The following RBFOX1 variants were observed in gnomAD, a reference collection of about 807,000 sequenced individuals.
The protein encoded by RBFOX1 is RNA binding fox-1 homolog 1.
In RBFOX1, 8 loss-of-function variants were observed where a neutral mutation model predicts 57.7. The ratio of observed to expected loss-of-function variants is 0.14; its 90% confidence interval spans 0.08 to 0.25. The LOEUF (loss-of-function observed/expected upper bound fraction) is 0.25. Among genes scored for constraint, RBFOX1 ranks in the 10% least tolerant of loss-of-function variants. The pLI is 1.00. For synonymous variants in RBFOX1, 326 were observed against 222.4 expected (o/e 1.47, Z -4.15); for missense variants, 611 against 548.5 (o/e 1.11, Z -1.14).
chr16:6,792,826 C>T (rs181031093), intron 3 of RBFOX1, among the ~76,000 whole-genome samples: 1 of 152,058 alleles, frequency 6.6e-6, no homozygotes, highest in Non-Finnish European at 1.5e-5. Flanking sequence ...GTCAGGAGTT[C>T]AAGACCAGCC....
chr16:6,396,252 A>T (rs2152943487), intron 2 of RBFOX1, among the ~76,000 whole-genome samples: 1 of 152,154 alleles, frequency 6.6e-6, no homozygotes, highest in Non-Finnish European at 1.5e-5. Context: ...AGGGGCTTTG[A>T]CCCTGGAAAG....
chr16:5,311,566 C>A (rs2064089941), intron 1 of RBFOX1, among the ~76,000 whole-genome samples: 1 of 152,196 alleles, frequency 6.6e-6, no homozygotes, highest in Admixed American at 6.5e-5. Flanking sequence ...ACATCTCTTT[C>A]TTCTGACTTT....
At chr16:7,498,836 C>A (rs904893133) in intron 4 of RBFOX1, among the ~76,000 whole-genome samples, 2 of 152,174 alleles carry the variant, frequency 1.3e-5, no homozygotes, top group Admixed American at 1.3e-4. Flanking sequence ...ATATCTGCTT[C>A]ACAGAGAGCA....
chr16:5,906,925 CAG>C (rs1326591456), intron 4 of RBFOX1, among the ~76,000 whole-genome samples: 3 of 151,768 alleles, frequency 2.0e-5, no homozygotes, highest in Non-Finnish European at 4.4e-5. Context: ...TTAGTAGAGA[CAG>C]GGTTTCAACA....
At chr16:6,405,942 C>T (rs1464195208) in intron 2 of RBFOX1, among the ~76,000 whole-genome samples, 1 of 152,164 alleles carries the variant, frequency 6.6e-6, no homozygotes, top group Non-Finnish European at 1.5e-5. Context: ...TCACATATGT[C>T]CAAGGATACA....
At chr16:7,632,806 T>G (rs535592642) in intron 11 of RBFOX1, among the ~76,000 whole-genome samples, 161 of 152,358 alleles carry the variant, frequency 1.1e-3, no homozygotes, top group African/African-American at 3.7e-3. Flanking sequence ...ATTAGCCATA[T>G]AGGGGCTAAT....
intron 2 of RBFOX1, among the ~76,000 whole-genome samples, chr16:5,488,086 A>T (rs1375098079): frequency 6.7e-6 from 1 of 150,288 alleles, no homozygotes; most frequent in Non-Finnish European, 1.5e-5. Context: ...ATGGAGGATT[A>T]TGGTGATGAT....
In RBFOX1 at chr16:6,256,243, A is replaced by ATGTG. The variant is rs1173894075; in HGVS notation, c.-126-60751_-126-60750insGTGT. Among the ~76,000 whole-genome samples the ATGTG allele has an allele frequency of 5.2e-5, 5 of 96,322 alleles. No homozygotes were observed. In the South Asian group the frequency reaches 1.7e-3, roughly 32 times the overall value. 63.2% of individuals were successfully genotyped at this position (96,322 alleles called of 152,430 possible). ...TATGTATATATATATGTGTATATAT[A>ATGTG]TATGTATATATATGTGTATATATAT... On this transcript the variant is annotated intron_variant, in intron 1 of 15. Transcript: ENST00000550418.
intron 4 of RBFOX1, among the ~76,000 whole-genome samples, chr16:7,359,629 C>T (rs1385974089): frequency 6.6e-6 from 1 of 152,152 alleles, no homozygotes; most frequent in Non-Finnish European, 1.5e-5. Context: ...TCCACAATGG[C>T]TTGCTGTCTA....
intron 4 of RBFOX1, among the ~76,000 whole-genome samples, chr16:7,482,052 A>G (rs1376632323): frequency 1.3e-5 from 2 of 152,246 alleles, no homozygotes; most frequent in African/African-American, 2.4e-5. Context: ...TGTATTGCCT[A>G]CAAATCAAGC....
intron 3 of RBFOX1, among the ~76,000 whole-genome samples, chr16:5,760,684 A>T (rs979086926): frequency 2.6e-5 from 4 of 152,236 alleles, no homozygotes; most frequent in Non-Finnish European, 5.9e-5. Flanking sequence ...TATATGAAAT[A>T]TTTATTAGGT....
intron 3 of RBFOX1, among the ~76,000 whole-genome samples, chr16:5,731,512 G>A (rs1336924097): frequency 2.0e-5 from 3 of 152,196 alleles, no homozygotes; most frequent in East Asian, 1.9e-4. Context: ...AGGAGGGGCC[G>A]TGATTTGAAC....
intron 4 of RBFOX1, among the ~76,000 whole-genome samples, chr16:5,917,167 G>A (rs999149659): frequency 1.3e-5 from 2 of 152,122 alleles, no homozygotes; most frequent in Non-Finnish European, 2.9e-5. Flanking sequence ...AAGCACCACA[G>A]GATGCCAGGC....
intron 3 of RBFOX1, among the ~76,000 whole-genome samples, chr16:6,655,410 G>A (rs902939533): frequency 8.6e-5 from 6 of 69,576 alleles, no homozygotes; most frequent in African/African-American, 1.7e-4. Context: ...AAAAGAGCTC[G>A]CGCTCAATTT....
chr16:6,953,469 T>C (rs1224940029), intron 3 of RBFOX1, among the ~76,000 whole-genome samples: 2 of 152,094 alleles, frequency 1.3e-5, no homozygotes, highest in Non-Finnish European at 2.9e-5. Flanking sequence ...CACCGCAACC[T>C]CCACCTCCTG....
At chr16:6,905,009 A>G (rs1013804488) in intron 3 of RBFOX1, among the ~76,000 whole-genome samples, 1 of 152,160 alleles carries the variant, frequency 6.6e-6, no homozygotes, top group African/African-American at 2.4e-5. Context: ...GCTTGTTAGC[A>G]TGGTAAAAGA....
At chr16:5,458,307 T>C (rs1199843411) in intron 1 of RBFOX1, among the ~76,000 whole-genome samples, 5 of 152,072 alleles carry the variant, frequency 3.3e-5, no homozygotes, top group Non-Finnish European at 5.9e-5. Context: ...AATGATTTAT[T>C]AGAGCTCATG....
At chr16:6,827,952 C>T (rs57812432) in intron 3 of RBFOX1, among the ~76,000 whole-genome samples, 32,092 of 152,148 alleles carry the variant, frequency 0.21, 4,166 homozygotes, top group East Asian at 0.5. Context: ...GTTGTTTCCA[C>T]TAGACTCTAT....
chr16:6,355,359 C>T (rs2087117341), intron 2 of RBFOX1, among the ~76,000 whole-genome samples: 1 of 152,076 alleles, frequency 6.6e-6, no homozygotes, highest in Admixed American at 6.6e-5. Context: ...TGTTCAACTC[C>T]CACTTATGAG....
Sources: gnomAD v4.1 joint callset for allele counts (sites outside exome capture counted in the v4.1 genomes callset) on GRCh38, gnomAD v4.1.1 for gene constraint, MANE v1.5 for transcripts, NCBI Gene and HGNC (gene_info 2026-07-23, HGNC 2026-07-21) for gene names.